GRM7: variants seen among roughly 807,000 people sequenced by gnomAD.
GRM7 encodes the protein glutamate metabotropic receptor 7, also known as metabotropic glutamate receptor 7.
GRM7 carries 35 observed loss-of-function variants against 84.5 expected under a neutral mutation model. The observed-to-expected ratio is 0.41, with a 90% CI of 0.32 to 0.55. The LOEUF (loss-of-function observed/expected upper bound fraction) is 0.55. GRM7 is among the 20% of genes least tolerant of loss of function. The pLI is 0.19. For synonymous variants in GRM7, 487 were observed against 455.1 expected (o/e 1.07, Z -0.89); for missense variants, 1,003 against 1,194.6 (o/e 0.84, Z 2.36).
intron 2 of GRM7, among the ~76,000 whole-genome samples, chr3:7,272,278 A>G (rs1427018829): frequency 6.6e-6 from 1 of 152,164 alleles, no homozygotes; most frequent in Non-Finnish European, 1.5e-5. Context: ...AAGAATATGC[A>G]TGCTCATTTT....
At chr3:7,506,557 G>A (rs935315671) in intron 7 of GRM7, among the ~76,000 whole-genome samples, 4 of 152,132 alleles carry the variant, frequency 2.6e-5, no homozygotes, top group Admixed American at 6.5e-5. Context: ...GTTGCTATAA[G>A]AAATTACAGA....
At chr3:7,145,106 G>A (rs1002412125) in intron 1 of GRM7, among the ~76,000 whole-genome samples, 1 of 152,128 alleles carries the variant, frequency 6.6e-6, no homozygotes, top group African/African-American at 2.4e-5. Context: ...AAATAAATGG[G>A]TTAATAGTGA....
At position 7,573,101 on chromosome 3, in the gene GRM7, C is replaced by T. The variant is rs569893436; in HGVS notation, c.1516-5321C>T. 9.9e-5 allele frequency among the ~76,000 whole-genome samples: 15 copies of T among 151,432 alleles called. No individual in the cohort carries two copies. In the East Asian group the frequency reaches 1.8e-3, roughly 18 times the overall value. ...GTTGCAGAATTCCTTACCAAGCACT[C>T]GCTAGCTCCTCTACCTCACCCCTCC... On this transcript the variant is annotated intron_variant, in intron 7 of 9. Coordinates refer to ENST00000357716, the MANE Select transcript of GRM7 (RefSeq NM_000844.4).
At chr3:7,042,518 C>G (rs189840204) in intron 1 of GRM7, among the ~76,000 whole-genome samples, 1 of 152,212 alleles carries the variant, frequency 6.6e-6, no homozygotes, top group East Asian at 1.9e-4. Flanking sequence ...TGTTTTCCCC[C>G]CATTCTTTCT....
intron 9 of GRM7, chr3:7,693,682 G>A (rs1208040375): frequency 1.6e-5 from 25 of 1,523,960 alleles, no homozygotes; most frequent in Admixed American, 1.2e-4. Flanking sequence ...CTAGTCAAGC[G>A]ATTGTCTGAG....
At chr3:7,522,933 CCTTT>C (rs1176223669) in intron 7 of GRM7, among the ~76,000 whole-genome samples, 1 of 152,038 alleles carries the variant, frequency 6.6e-6, no homozygotes, top group Non-Finnish European at 1.5e-5. Flanking sequence ...CTCCTCTCTC[CCTTT>C]CTTTCTCTCT....
chr3:7,187,220 CA>C (rs1695550273), intron 2 of GRM7, among the ~76,000 whole-genome samples: 1 of 151,862 alleles, frequency 6.6e-6, no homozygotes, highest in Non-Finnish European at 1.5e-5. Flanking sequence ...CACACACACA[CA>C]CACAAAATCT....
At chr3:7,713,795 C>CTTTTT (rs60007117) in intron 9 of GRM7, among the ~76,000 whole-genome samples, 3 of 64,744 alleles carry the variant, frequency 4.6e-5, no homozygotes, top group African/African-American at 1.0e-4. Context: ...CGGATGCTTT[C>CTTTTT]TTTTTTTTTT....
chr3:7,483,286 G>T (rs1486221092), intron 7 of GRM7, among the ~76,000 whole-genome samples: 1 of 152,162 alleles, frequency 6.6e-6, no homozygotes, highest in East Asian at 1.9e-4. Context: ...ACAAAATAAG[G>T]TGATGTGATA....
chr3:6,896,187 A>G (rs555733075), intron 1 of GRM7, among the ~76,000 whole-genome samples: 84 of 152,236 alleles, frequency 5.5e-4, no homozygotes, highest in African/African-American at 1.9e-3. Context: ...TGTTGCAATG[A>G]GATTCTGCTT....
At chr3:7,231,496 A>T (rs551458516) in intron 2 of GRM7, among the ~76,000 whole-genome samples, 1 of 152,324 alleles carries the variant, frequency 6.6e-6, no homozygotes, top group East Asian at 1.9e-4. Context: ...ATATTGGTCA[A>T]GTCTCAAAGC....
intron 1 of GRM7, among the ~76,000 whole-genome samples, chr3:6,954,901 C>G (rs1042604402): frequency 6.6e-6 from 1 of 152,118 alleles, no homozygotes; most frequent in African/African-American, 2.4e-5. Flanking sequence ...GGAGATGACT[C>G]AAATTTATGT....
intron 1 of GRM7, among the ~76,000 whole-genome samples, chr3:6,889,063 A>G (rs1695822982): frequency 6.6e-6 from 1 of 152,044 alleles, no homozygotes; most frequent in Non-Finnish European, 1.5e-5. Context: ...AATGCTTGTG[A>G]TTTTTGTACA....
In GRM7 at chr3:7,411,141, T is replaced by C. The variant is rs548295204; in HGVS notation, c.1034-3882T>C. 2.0e-5 allele frequency among the ~76,000 whole-genome samples: 3 copies of C among 152,330 alleles called. No individual in the cohort carries two copies. In the East Asian group the frequency reaches 5.8e-4, roughly 29 times the overall value. Reference sequence around the variant, plus strand: ...TCTTATAAGGACTCTTGTCATTGGATTTACAGCCCTCACGAATAATCCAGG... The same window carrying C: ...TCTTATAAGGACTCTTGTCATTGGACTTACAGCCCTCACGAATAATCCAGG... On this transcript the variant is annotated intron_variant, in intron 4 of 9. Transcript: ENST00000357716.
At chr3:7,586,081 C>A (rs1695506086) in intron 8 of GRM7, among the ~76,000 whole-genome samples, 1 of 152,202 alleles carries the variant, frequency 6.6e-6, no homozygotes, top group South Asian at 2.1e-4. Flanking sequence ...GTCTTCACTT[C>A]TTTCATCTTC....
intron 1 of GRM7, among the ~76,000 whole-genome samples, chr3:6,956,875 C>T (rs527531188): frequency 6.6e-6 from 1 of 152,152 alleles, no homozygotes; most frequent in South Asian, 2.1e-4. Flanking sequence ...ATTTACAACC[C>T]CATGGTAATG....
At chr3:7,080,808 A>G (rs1473022120) in intron 1 of GRM7, among the ~76,000 whole-genome samples, 1 of 151,990 alleles carries the variant, frequency 6.6e-6, no homozygotes, top group Non-Finnish European at 1.5e-5. Context: ...CTGGCAGATT[A>G]TAAATAAGGA....
intron 1 of GRM7, among the ~76,000 whole-genome samples, chr3:7,006,917 A>G (rs1695198612): frequency 6.6e-6 from 1 of 152,244 alleles, no homozygotes; most frequent in Non-Finnish European, 1.5e-5. Flanking sequence ...AATAACGATA[A>G]ATAAAGCATA....
chr3:7,666,475 C>T (rs1013166948), intron 8 of GRM7, among the ~76,000 whole-genome samples: 19 of 152,194 alleles, frequency 1.2e-4, no homozygotes, highest in Admixed American at 3.3e-4. Context: ...CTACAAAGAT[C>T]GTTCTGGTTG....
Sources: allele counts gnomAD v4.1 joint callset (sites outside exome capture counted in the v4.1 genomes callset), GRCh38; gene constraint gnomAD v4.1.1; transcripts MANE v1.5; gene names NCBI Gene and HGNC (gene_info 2026-07-23, HGNC 2026-07-21).